The following SDK2 variants were observed in gnomAD, a reference collection of about 807,000 sequenced individuals.
SDK2 encodes protein sidekick-2.
A neutral mutation model predicts 253.9 loss-of-function variants in SDK2; 105 were observed. The ratio of observed to expected loss-of-function variants is 0.41; its 90% confidence interval spans 0.35 to 0.49. The LOEUF is 0.49. Ranked by LOEUF, SDK2 falls within the 20% of genes least tolerant of loss-of-function variation. The pLI is 0.06. For missense variants in SDK2, 2,608 were observed against 3,003.0 expected (o/e 0.87, Z 3.07); for synonymous variants, 1,249 against 1,234.9 (o/e 1.01, Z -0.24).
chr17:73,338,407 C>T lies in SDK2; in HGVS notation c.*180G>A, dbSNP rs751160853. 32 of 698,220 alleles carry T rather than the reference C, an allele frequency of 4.6e-5. 1 individual carries two copies. The highest frequency in any genetic ancestry group is 3.2e-4 in the South Asian group (21 of 66,632). The allele number at this position is 698,220 out of a possible 1,614,324, so 43.3% of individuals were successfully genotyped here. A position where few individuals can be genotyped will look rare whatever the true frequency, so the allele number is the denominator to read the frequency against. On this transcript the variant is annotated 3_prime_UTR_variant, in exon 45 of 45. Coordinates refer to ENST00000392650, the MANE Select transcript of SDK2 (RefSeq NM_001144952.2). This position sits in a 1 kb window ranked among gnomAD's most constrained non-coding sequence, Gnocchi z 5.0. ...GCTGCTGGCCACACACATCCTCTCA[C>T]GGTTTTCTCCCTCCTTCTGAACGCC...
At chr17:73,483,578 T>A (rs1413534863) in intron 2 of SDK2, among the ~76,000 whole-genome samples, 1 of 142,668 alleles carries the variant, frequency 7.0e-6, no homozygotes, top group African/African-American at 2.6e-5. Flanking sequence ...TATATGTATG[T>A]GTATATATAT....
Position 73,338,334 on chromosome 17 carries a change from G to A in SDK2, c.*253C>T, listed in dbSNP as rs3195414. 252,800 of 633,064 alleles carry A rather than the reference G, an allele frequency of 0.4. 53,906 individuals carry two copies. Among genetic ancestry groups the A allele is most frequent in the Admixed American group, 0.5 (23,584 of 47,638 alleles). 39.2% of individuals were successfully genotyped at this position (633,064 alleles called of 1,614,324 possible). A position where few individuals can be genotyped will look rare whatever the true frequency, so the allele number is the denominator to read the frequency against. ...GTGACACAGCCACTTCCCCAGCTCC[G>A]TGTAATTCCCAAGGGAGCAGTGAAC... On this transcript the variant is annotated 3_prime_UTR_variant, in exon 45 of 45. Transcript: ENST00000392650. This position sits in a 1 kb window ranked among gnomAD's most constrained non-coding sequence, Gnocchi z 5.0.
intron 36 of SDK2, among the ~76,000 whole-genome samples, chr17:73,373,877 T>C (rs1037470814): frequency 1.3e-5 from 2 of 149,520 alleles, no homozygotes; most frequent in Non-Finnish European, 2.9e-5. Flanking sequence ...CCTCAGGTGA[T>C]CTGCCTACCT....
intron 1 of SDK2, among the ~76,000 whole-genome samples, chr17:73,625,308 C>T (rs1347234681): frequency 2.6e-5 from 4 of 152,230 alleles, no homozygotes; most frequent in African/African-American, 9.6e-5. Flanking sequence ...GTTTCTAGGC[C>T]TGCTCACCAT....
At chr17:73,574,721 G>T (rs912029017) in intron 1 of SDK2, among the ~76,000 whole-genome samples, 3 of 152,172 alleles carry the variant, frequency 2.0e-5, no homozygotes, top group African/African-American at 7.2e-5. Flanking sequence ...TGCCATACTG[G>T]CCTTCTCCAC....
rs2045949726 is a variant in SDK2 at position 73,609,645 on chromosome 17, T to C, written c.64+34380A>G. On this transcript the variant is annotated intron_variant, in intron 1 of 44. Transcript: ENST00000392650. The surrounding 1 kb of genome is among the most constrained non-coding windows in gnomAD (Gnocchi z 4.4). The stretch of plus-strand genomic sequence containing the variant: ...TGGGAGAAATCACAAAGCATTTCTC[T>C]GCTAATGGGAATGACTTTCAAGGGA... Among the ~76,000 whole-genome samples the C allele has an allele frequency of 6.6e-6, 1 of 152,166 alleles. No individual in the cohort carries two copies. The highest frequency in any genetic ancestry group is 1.5e-5 in the Non-Finnish European group (1 of 68,036).
At chr17:73,360,335 C>T (rs767704597) in intron 39 of SDK2, among the ~76,000 whole-genome samples, 17 of 152,264 alleles carry the variant, frequency 1.1e-4, no homozygotes, top group South Asian at 2.1e-4. Flanking sequence ...AAAAGTGAAG[C>T]GCAGCCAGAC....
At chr17:73,615,142 C>T (rs1472955120) in intron 1 of SDK2, among the ~76,000 whole-genome samples, 4 of 152,170 alleles carry the variant, frequency 2.6e-5, no homozygotes, top group Non-Finnish European at 2.9e-5. Context: ...CCGTGCCTGA[C>T]ACACAATGAG....
chr17:73,607,988 C>T (rs2045928729), intron 1 of SDK2, among the ~76,000 whole-genome samples: 1 of 152,078 alleles, frequency 6.6e-6, no homozygotes, highest in Non-Finnish European at 1.5e-5. Flanking sequence ...CACTACGGTA[C>T]ATTTGTCACA....
At chr17:73,520,487 TG>T (rs11364994) in intron 1 of SDK2, 63,250 of 151,734 alleles carry the variant, frequency 0.42, 14,328 homozygotes, top group African/African-American at 0.61. Context: ...TTGGGAGTAG[TG>T]GGGGGGTGCA....
At chr17:73,440,970 TC>T in intron 5 of SDK2, 47 bp from the exon 6 acceptor site, 1 of 1,377,584 alleles carries the variant, frequency 7.3e-7, no homozygotes, top group East Asian at 2.5e-5. Context: ...GGAAATCCTA[TC>T]CCTGCCCAGC....
intron 2 of SDK2, among the ~76,000 whole-genome samples, chr17:73,474,248 C>T (rs1307587832): frequency 6.6e-6 from 1 of 152,200 alleles, no homozygotes; most frequent in Admixed American, 6.5e-5. Flanking sequence ...AAACTGTCAT[C>T]AGTCAGCACT....
intron 1 of SDK2, among the ~76,000 whole-genome samples, chr17:73,508,782 A>C (rs1316474080): frequency 6.6e-6 from 1 of 152,202 alleles, no homozygotes; most frequent in Non-Finnish European, 1.5e-5. Flanking sequence ...ACTTGAGCCC[A>C]CACCTCCCTC....
At position 73,496,130 on chromosome 17, in the gene SDK2, G is replaced by T; in HGVS notation, c.224+11308C>A. 6.6e-6 allele frequency among the ~76,000 whole-genome samples: 1 copy of T among 152,178 alleles called. No homozygotes were observed. The highest frequency in any genetic ancestry group is 1.5e-5 in the Non-Finnish European group (1 of 68,026). On this transcript the variant is annotated intron_variant, in intron 2 of 44. Coordinates refer to ENST00000392650, the MANE Select transcript of SDK2 (RefSeq NM_001144952.2). This position sits in a 1 kb window ranked among gnomAD's most constrained non-coding sequence, Gnocchi z 4.7. ...GAGGTGGGAGGAGCCTGCCCTGCTG[G>T]GTGGGAGTCAGCGTCATGCCCTTGG...
chr17:73,366,489 G>A (rs2062686656), intron 37 of SDK2, among the ~76,000 whole-genome samples: 1 of 152,182 alleles, frequency 6.6e-6, no homozygotes. Context: ...TGCCACAGGT[G>A]TGCCCTCTGC....
intron 1 of SDK2, among the ~76,000 whole-genome samples, chr17:73,524,757 G>A (rs982539893): frequency 6.6e-6 from 1 of 152,184 alleles, no homozygotes; most frequent in African/African-American, 2.4e-5. Flanking sequence ...TACACACATG[G>A]TCAGTGTAGA....
At chr17:73,595,372 AG>A (rs141258300) in intron 1 of SDK2, among the ~76,000 whole-genome samples, 3,458 of 152,146 alleles carry the variant, frequency 0.023, 138 homozygotes, top group African/African-American at 0.079. Flanking sequence ...CTCCAGATTG[AG>A]GGGGTGTCCC....
chr17:73,423,282 A>T (rs1387364154), intron 14 of SDK2, 104 bp downstream of exon 14: 1 of 1,139,860 alleles, frequency 8.8e-7, no homozygotes, highest in Non-Finnish European at 1.1e-6. Context: ...GATCTGCTCA[A>T]AGGCCCAGAA....
intron 1 of SDK2, among the ~76,000 whole-genome samples, chr17:73,566,319 A>ATATGTGTG (rs752325058): frequency 1.4e-5 from 2 of 139,312 alleles, no homozygotes; most frequent in African/African-American, 2.8e-5. Context: ...TTATATATAT[A>ATATGTGTG]TGTGTGTGTG....
Sources: allele counts gnomAD v4.1 joint callset (sites outside exome capture counted in the v4.1 genomes callset), GRCh38; gene constraint gnomAD v4.1.1; non-coding constraint Gnocchi (gnomAD v3.1); transcripts MANE v1.5; gene names NCBI Gene and HGNC (gene_info 2026-07-23, HGNC 2026-07-21).